The following EIF2AK4 variants were observed in gnomAD, a reference collection of about 807,000 sequenced individuals.
The protein encoded by EIF2AK4 is eIF-2-alpha kinase GCN2.
In EIF2AK4, 139 loss-of-function variants were observed where a neutral mutation model predicts 211.1. That is an observed-to-expected ratio of 0.66 (90% CI 0.57 to 0.76). EIF2AK4 has a LOEUF of 0.76. Ranked by LOEUF, EIF2AK4 falls within the 30% of genes least tolerant of loss-of-function variation. The pLI is 0.00. For missense variants in EIF2AK4, 1,664 were observed against 2,043.8 expected (o/e 0.81, Z 3.58); for synonymous variants, 710 against 751.3 (o/e 0.94, Z 0.90).
chr15:39,973,762 G>C lies in EIF2AK4; in HGVS notation c.1818+13G>C. On this transcript the variant is annotated intron_variant, in intron 11 of 38. Coordinates refer to ENST00000263791, the MANE Select transcript of EIF2AK4 (RefSeq NM_001013703.4). ...AGCTGTCATCAAGGTGTGGTACAGA[G>C]TCATTCCCAGTCCCCTTTAGAGCTC... The C allele has an allele frequency of 6.2e-7, 1 of 1,613,752 alleles. No homozygotes were observed.
At chr15:40,004,379 A>G (rs1283578361) in intron 23 of EIF2AK4, among the ~76,000 whole-genome samples, 1 of 152,220 alleles carries the variant, frequency 6.6e-6, no homozygotes, top group Non-Finnish European at 1.5e-5. Flanking sequence ...AAAATGGTTG[A>G]ATAATTTGTC....
At chr15:39,955,289 A>G (rs1419733408) in intron 5 of EIF2AK4, among the ~76,000 whole-genome samples, 2 of 152,208 alleles carry the variant, frequency 1.3e-5, no homozygotes, top group Non-Finnish European at 2.9e-5. Flanking sequence ...TTAGGCATTA[A>G]CATTTTTTTA....
intron 3 of EIF2AK4, 140 bp from the exon 4 acceptor site, chr15:39,948,976 A>C: frequency 1.0e-6 from 1 of 964,304 alleles, no homozygotes; most frequent in Non-Finnish European, 1.6e-6. Flanking sequence ...TACCGAATTC[A>C]GAGTATGTCA....
At chr15:39,975,601 G>C (rs2034683112) in intron 11 of EIF2AK4, among the ~76,000 whole-genome samples, 1 of 152,228 alleles carries the variant, frequency 6.6e-6, no homozygotes. Flanking sequence ...CAATTACATA[G>C]TGAAACTGCC....
At chr15:39,990,238 A>C in intron 15 of EIF2AK4, 35 bp from the exon 16 acceptor site, 1 of 1,600,782 alleles carries the variant, frequency 6.2e-7, no homozygotes, top group Non-Finnish European at 8.6e-7. Flanking sequence ...TATGCATGGA[A>C]AACCATTGTT....
intron 4 of EIF2AK4, among the ~76,000 whole-genome samples, chr15:39,952,997 A>C (rs748060189): frequency 6.6e-6 from 1 of 152,006 alleles, no homozygotes; most frequent in Non-Finnish European, 1.5e-5. Context: ...ACAGGCACCC[A>C]CCACCATGCC....
In EIF2AK4 at chr15:40,030,393, C is replaced by T; in HGVS notation, c.4596C>T (p.Pro1532=). The T allele has an allele frequency of 1.2e-6, 2 of 1,614,064 alleles. No individual in the cohort carries two copies. Among genetic ancestry groups the T allele is most frequent in the Non-Finnish European group, 1.7e-6 (2 of 1,180,014 alleles). ...LFEIHGATVV[P]IVSVLAPEKL... ...AAATCCATGGAGCAACAGTGGTTCC[C>T]ATTGTGAGTGTGCTAGCCCCGGAGA... Residue 1532 remains proline, a synonymous_variant, in exon 35 of 39, where the codon CCC becomes CCT. Coordinates refer to ENST00000263791, the MANE Select transcript of EIF2AK4 (RefSeq NM_001013703.4).
chr15:39,980,869 A>G (rs143621052), intron 13 of EIF2AK4, among the ~76,000 whole-genome samples: 1 of 152,266 alleles, frequency 6.6e-6, no homozygotes, highest in Non-Finnish European at 1.5e-5. Flanking sequence ...TGACTTTATT[A>G]CCAGGAATAA....
chr15:39,981,528 G>A (rs928279509), intron 13 of EIF2AK4, among the ~76,000 whole-genome samples: 1 of 151,984 alleles, frequency 6.6e-6, no homozygotes, highest in African/African-American at 2.4e-5. Context: ...AAACCTCCAA[G>A]AGATTAACAG....
At chr15:39,961,205 A>G (rs2034467433) in intron 6 of EIF2AK4, among the ~76,000 whole-genome samples, 1 of 152,240 alleles carries the variant, frequency 6.6e-6, no homozygotes, top group Non-Finnish European at 1.5e-5. Flanking sequence ...AAGACAAGCA[A>G]GAGAAGGAAT....
chr15:39,978,230 G>T, intron 13 of EIF2AK4, 83 bp downstream of exon 13: 1 of 678,990 alleles, frequency 1.5e-6, no homozygotes. Context: ...AAAGTATTAA[G>T]GCTTTAATCT....
At chr15:39,969,447 G>A (rs553477233) in intron 9 of EIF2AK4, among the ~76,000 whole-genome samples, 5 of 137,688 alleles carry the variant, frequency 3.6e-5, no homozygotes, top group East Asian at 4.5e-4. Context: ...TGCAAGCTCC[G>A]CCTCCCAGGT....
rs587777207 is a variant in EIF2AK4 at position 40,016,508 on chromosome 15, C to T, written c.3766C>T (p.Arg1256Ter). Residue 1256 changes from arginine to a stop codon, truncating the protein, a stop_gained, in exon 28 of 39, where the codon CGA becomes TGA. Transcript: ENST00000263791. LOFTEE classifies it high-confidence loss of function. ...NLSLSSNSLC[R>*]LYKFIEQKGD... ...GTGCCCCTTTGCTTTCCAGCTGTGT[C>T]GACTCTACAAGTTTATTGAACAGAA... 4.4e-5 allele frequency: 71 copies of T among 1,613,824 alleles called. No individual in the cohort carries two copies. The highest frequency in any genetic ancestry group is 5.4e-5 in the Non-Finnish European group (64 of 1,179,970).
At chr15:39,934,619 A>G (rs1363200798) in intron 1 of EIF2AK4, among the ~76,000 whole-genome samples, 1 of 152,076 alleles carries the variant, frequency 6.6e-6, no homozygotes, top group Non-Finnish European at 1.5e-5. Flanking sequence ...TCCTGCCTAC[A>G]TCCCATAACA....
intron 25 of EIF2AK4, among the ~76,000 whole-genome samples, chr15:40,008,710 G>A (rs866343540): frequency 2.2e-4 from 33 of 152,106 alleles, no homozygotes; most frequent in African/African-American, 7.2e-4. Context: ...TTTCTCCCCA[G>A]GAAGCCTCAC....
chr15:39,968,873 G>GATAT (rs376138307), intron 9 of EIF2AK4, among the ~76,000 whole-genome samples: 2,683 of 147,156 alleles, frequency 0.018, 73 homozygotes, highest in African/African-American at 0.056. Flanking sequence ...AAGTGAATAT[G>GATAT]ATATATATAT....
intron 4 of EIF2AK4, among the ~76,000 whole-genome samples, chr15:39,951,024 T>C (rs916599140): frequency 2.0e-5 from 3 of 152,174 alleles, no homozygotes; most frequent in African/African-American, 7.2e-5. Flanking sequence ...AAACGGCCAA[T>C]ACGTGATTTC....
intron 1 of EIF2AK4, among the ~76,000 whole-genome samples, chr15:39,935,337 CTT>C (rs374581386): frequency 6.9e-6 from 1 of 145,010 alleles, no homozygotes. Context: ...ACTTCATCTG[CTT>C]TTTTTTTTTT....
intron 32 of EIF2AK4, among the ~76,000 whole-genome samples, chr15:40,025,724 G>A (rs1486184257): frequency 6.6e-6 from 1 of 152,128 alleles, no homozygotes; most frequent in African/African-American, 2.4e-5. Flanking sequence ...TTCACATTTT[G>A]GGCCAAATAA....
Sources: gnomAD v4.1 joint callset for allele counts (sites outside exome capture counted in the v4.1 genomes callset) on GRCh38, gnomAD v4.1.1 for gene constraint, MANE v1.5 for transcripts, NCBI Gene and HGNC (gene_info 2026-07-23, HGNC 2026-07-21) for gene names.